The following AHCYL2 variants were observed in gnomAD, a reference collection of about 807,000 sequenced individuals.
The protein encoded by AHCYL2 is adenosylhomocysteinase like 2, also known as S-adenosylhomocysteine hydrolase-like protein 2.
AHCYL2 carries 28 observed loss-of-function variants against 81.4 expected under a neutral mutation model. The observed-to-expected ratio is 0.34, with a 90% CI of 0.25 to 0.47. AHCYL2 has a LOEUF of 0.47. Ranked by LOEUF, AHCYL2 falls within the 20% of genes least tolerant of loss-of-function variation. The pLI, the probability that AHCYL2 is intolerant of heterozygous loss-of-function variation, is 1.00. For synonymous variants in AHCYL2, 272 were observed against 290.2 expected (o/e 0.94, Z 0.64); for missense variants, 551 against 785.1 (o/e 0.70, Z 3.56).
chr7:129,365,886 A>G (rs921635844), intron 1 of AHCYL2, among the ~76,000 whole-genome samples: 1 of 151,806 alleles, frequency 6.6e-6, no homozygotes, highest in African/African-American at 2.4e-5. Flanking sequence ...TGTTGTTTGG[A>G]GGGGGGCGGG....
rs1415284225 is a variant in AHCYL2, at chr7:129,378,956, G to A, written c.364-682G>A. On this transcript the variant is annotated intron_variant, in intron 1 of 16. Transcript: ENST00000325006. Reference sequence around the variant, plus strand: ...ATCCCATTCTCTATTTGTGGGGAGTGGGGTGTCACAATTTTATTGTAAAAA... The same window carrying A: ...ATCCCATTCTCTATTTGTGGGGAGTAGGGTGTCACAATTTTATTGTAAAAA... 3.3e-5 allele frequency among the ~76,000 whole-genome samples: 5 copies of A among 152,050 alleles called. No homozygotes were observed. The East Asian group carries it at 5.8e-4, about 18-fold the overall frequency.
intron 1 of AHCYL2, among the ~76,000 whole-genome samples, chr7:129,245,299 AC>A (rs576892853): frequency 1.3e-4 from 20 of 152,320 alleles, no homozygotes; most frequent in African/African-American, 4.8e-4. Flanking sequence ...TGCTGGGATT[AC>A]AGGCATGAGC....
chr7:129,411,740 C>A lies in AHCYL2; in HGVS notation c.1367-1854C>A, dbSNP rs776652266. Reference sequence around the variant, plus strand: ...TGCCATTGCACTCCAGCCTGGGCAACAAGAGTGAAACTCCTTCTCAAAAAA... The same window carrying A: ...TGCCATTGCACTCCAGCCTGGGCAAAAAGAGTGAAACTCCTTCTCAAAAAA... On this transcript the variant is annotated intron_variant, in intron 11 of 16. Transcript: ENST00000325006. Among the ~76,000 whole-genome samples, 80 of 127,034 alleles carry A rather than the reference C, an allele frequency of 6.3e-4. 1 individual carries two copies. Among genetic ancestry groups the A allele is most frequent in the Non-Finnish European group, 1.1e-4 (7 of 61,404 alleles). 83.3% of individuals were successfully genotyped at this position (127,034 alleles called of 152,430 possible). A position where few individuals can be genotyped will look rare whatever the true frequency, so the allele number is the denominator to read the frequency against.
At chr7:129,338,550 T>C (rs1341668315) in intron 1 of AHCYL2, among the ~76,000 whole-genome samples, 2 of 152,238 alleles carry the variant, frequency 1.3e-5, no homozygotes, top group Non-Finnish European at 2.9e-5. Flanking sequence ...AGTAGCTGTT[T>C]CCTGCAACTT....
intron 1 of AHCYL2, among the ~76,000 whole-genome samples, chr7:129,331,798 C>T (rs962980474): frequency 4.6e-5 from 7 of 151,822 alleles, no homozygotes; most frequent in Non-Finnish European, 1.0e-4. Context: ...GCTGAGACTG[C>T]ACCATTGCAC....
At chr7:129,424,378 C>A (rs1797259240) in intron 13 of AHCYL2, among the ~76,000 whole-genome samples, 1 of 152,012 alleles carries the variant, frequency 6.6e-6, no homozygotes, top group East Asian at 1.9e-4. Flanking sequence ...CCAGCCTGGG[C>A]AACAGAGGGA....
intron 1 of AHCYL2, among the ~76,000 whole-genome samples, chr7:129,232,440 C>T (rs1444828921): frequency 6.6e-6 from 1 of 152,228 alleles, no homozygotes; most frequent in Non-Finnish European, 1.5e-5. Context: ...TGACCAGACT[C>T]CCACTGAAGT....
In AHCYL2 at chr7:129,225,444, TG is replaced by T; in HGVS notation, c.363+9del. 2.0e-6 allele frequency: 3 copies of T among 1,504,706 alleles called. No individual in the cohort carries two copies. Among genetic ancestry groups the T allele is most frequent in the Admixed American group, 2.1e-5 (1 of 46,990 alleles). The allele number at this position is 1,504,706 out of a possible 1,614,324, so 93.2% of individuals were successfully genotyped here. On this transcript the variant is annotated splice_donor_region_variant and intron_variant, in intron 1 of 16. Transcript: ENST00000325006. ...GCGCCGCGCACAGTCAAGAAGGTAC[TG>T]GGGCCGGGCTGCCTCTCTAGGAGAG...
intron 1 of AHCYL2, among the ~76,000 whole-genome samples, chr7:129,303,733 G>C (rs1293374895): frequency 6.6e-6 from 1 of 152,094 alleles, no homozygotes; most frequent in Non-Finnish European, 1.5e-5. Flanking sequence ...AAGATGCATT[G>C]TTAGGCTATT....
At chr7:129,370,498 A>G (rs1794339122) in intron 1 of AHCYL2, among the ~76,000 whole-genome samples, 1 of 152,172 alleles carries the variant, frequency 6.6e-6, no homozygotes, top group East Asian at 1.9e-4. Flanking sequence ...GGAGATCAAG[A>G]TCATCCTGGC....
At chr7:129,327,264 C>T (rs1212422447) in intron 1 of AHCYL2, among the ~76,000 whole-genome samples, 1 of 152,048 alleles carries the variant, frequency 6.6e-6, no homozygotes, top group Non-Finnish European at 1.5e-5. Context: ...CCCTCTCCAC[C>T]ATATGAGGAT....
Position 129,422,929 on chromosome 7 carries a change from G to T in AHCYL2, c.1551G>T (p.Leu517=). The T allele has an allele frequency of 6.2e-7, 1 of 1,613,892 alleles. No individual in the cohort carries two copies. The highest frequency in any genetic ancestry group is 8.5e-7 in the Non-Finnish European group (1 of 1,179,888). ...GGCCTGATGGCAAGAGGATAGTACTGCTGGCAGAGGTAAGGCTGAGACTGG... is the reference window on the plus strand; with the variant it reads ...GGCCTGATGGCAAGAGGATAGTACTTCTGGCAGAGGTAAGGCTGAGACTGG... ...VIWPDGKRIV[L]LAEGRLLNLS... The change falls in exon 13 of 17, where the codon CTG becomes CTT. Residue 517 remains leucine (L), a synonymous_variant. Transcript: ENST00000325006.
chr7:129,363,842 T>G (rs1030597897), intron 1 of AHCYL2, among the ~76,000 whole-genome samples: 2 of 152,132 alleles, frequency 1.3e-5, no homozygotes, highest in African/African-American at 2.4e-5. Flanking sequence ...CTGGCCTATT[T>G]TATTTTTAAT....
intron 1 of AHCYL2, among the ~76,000 whole-genome samples, chr7:129,244,594 G>A (rs1794983032): frequency 6.6e-6 from 1 of 152,160 alleles, no homozygotes; most frequent in African/African-American, 2.4e-5. Context: ...GGGGGAAGAG[G>A]GAAGGGAATT....
rs1263507661 is a variant in AHCYL2, at chr7:129,389,210, CA to C, written c.619+13del. The C allele has an allele frequency of 1.2e-6, 2 of 1,613,570 alleles. No individual in the cohort carries two copies. Among genetic ancestry groups the C allele is most frequent in the East Asian group, 4.5e-5 (2 of 44,862 alleles). On this transcript the variant is annotated intron_variant, in intron 3 of 16. Transcript: ENST00000325006. ...AAATTGCTGAACAAGGTAAAGAAAA[CA>C]AGCACCTTTTCCTTCTTAACCTACC...
chr7:129,395,518 C>CT (rs779661684), intron 4 of AHCYL2, among the ~76,000 whole-genome samples: 18 of 152,194 alleles, frequency 1.2e-4, no homozygotes, highest in Non-Finnish European at 1.9e-4. Flanking sequence ...TACTTTGTAT[C>CT]AGTGAACTGT....
At position 129,373,687 on chromosome 7, in the gene AHCYL2, TG is replaced by T. The variant is rs373132614; in HGVS notation, c.364-5949del. On this transcript the variant is annotated intron_variant, in intron 1 of 16. Coordinates refer to ENST00000325006, the MANE Select transcript of AHCYL2 (RefSeq NM_015328.4). ...TCCTAAAATGTCTTCTGGTTCTATTTGGTATAGATATGCCAGTCCTTCTGGC... is the reference window on the plus strand; with the variant it reads ...TCCTAAAATGTCTTCTGGTTCTATTTGTATAGATATGCCAGTCCTTCTGGC... Among the ~76,000 whole-genome samples the T allele has an allele frequency of 1.5e-4, 23 of 152,290 alleles. No individual in the cohort carries two copies. The East Asian group carries it at 4.4e-3, about 29-fold the overall frequency.
chr7:129,248,798 A>G (rs1795149102), intron 1 of AHCYL2, among the ~76,000 whole-genome samples: 1 of 151,962 alleles, frequency 6.6e-6, no homozygotes, highest in African/African-American at 2.4e-5. Context: ...GAGACTTCTG[A>G]TACATGAACA....
intron 1 of AHCYL2, among the ~76,000 whole-genome samples, chr7:129,299,642 CT>C (rs1797190655): frequency 1.3e-5 from 2 of 151,928 alleles, no homozygotes; most frequent in South Asian, 4.1e-4. Flanking sequence ...ATCCACCCGC[CT>C]TGGCCTCCCA....
Sources: allele counts gnomAD v4.1 joint callset (sites outside exome capture counted in the v4.1 genomes callset), GRCh38; gene constraint gnomAD v4.1.1; transcripts MANE v1.5; gene names NCBI Gene and HGNC (gene_info 2026-07-23, HGNC 2026-07-21).